Variants in NALF1 observed in about 807,000 individuals in gnomAD.
NALF1 encodes the protein family with sequence similarity 155 member A.
In NALF1, 3 loss-of-function variants were observed where a neutral mutation model predicts 48.4. The observed-to-expected ratio is 0.06, with a 90% CI of 0.03 to 0.16. The LOEUF is 0.16. Among genes scored for constraint, NALF1 ranks in the 10% least tolerant of loss-of-function variants. The pLI is 1.00. For missense variants in NALF1, 526 were observed against 571.5 expected, an observed-to-expected ratio of 0.92 and a Z score of 0.81; for synonymous variants, 262 against 245.7, an observed-to-expected ratio of 1.07 and a Z score of -0.62.
chr13:107,454,933 A>G (rs1422652549), intron 1 of NALF1, among the ~76,000 whole-genome samples: 2 of 152,156 alleles, frequency 1.3e-5, no homozygotes. Flanking sequence ...TGAAAATGAA[A>G]ATGTTTCTGA....
chr13:107,859,869 C>T (rs1294700648), intron 1 of NALF1, among the ~76,000 whole-genome samples: 3 of 140,416 alleles, frequency 2.1e-5, no homozygotes, highest in Non-Finnish European at 4.5e-5. Context: ...GAGCTGAGAT[C>T]ACGCCACTGC....
intron 1 of NALF1, among the ~76,000 whole-genome samples, chr13:107,586,536 T>C (rs1671231741): frequency 6.6e-6 from 1 of 152,032 alleles, no homozygotes; most frequent in African/African-American, 2.4e-5. Flanking sequence ...ATTTATCTAT[T>C]TATGGGAAGT....
chr13:107,582,202 T>C (rs962457043), intron 1 of NALF1, among the ~76,000 whole-genome samples: 1 of 152,200 alleles, frequency 6.6e-6, no homozygotes, highest in Non-Finnish European at 1.5e-5. Context: ...ATAGATTCAT[T>C]TTTCAAAGTC....
At position 107,606,278 on chromosome 13, in the gene NALF1, A is replaced by ATG. The variant is rs1179247680; in HGVS notation, c.915+259403_915+259404insCA. On this transcript the variant is annotated intron_variant, in intron 1 of 2. Coordinates refer to ENST00000375915, the MANE Select transcript of NALF1 (RefSeq NM_001080396.3). Reference sequence around the variant, plus strand: ...GTTCCTTAACATCTCATATATATATATATGTGTGTGTTTGTGTGTGTATGT... The same window carrying ATG: ...GTTCCTTAACATCTCATATATATATATGTATGTGTGTGTTTGTGTGTGTATGT... Among the ~76,000 whole-genome samples, 44 of 19,726 alleles carry ATG rather than the reference A, an allele frequency of 2.2e-3. No individual in the cohort carries two copies. In the East Asian group the frequency reaches 0.024, roughly 11 times the overall value. 12.9% of individuals were successfully genotyped at this position (19,726 alleles called of 152,430 possible).
chr13:107,418,117 A>T (rs1884122609), intron 1 of NALF1, among the ~76,000 whole-genome samples: 3 of 152,174 alleles, frequency 2.0e-5, no homozygotes, highest in Admixed American at 2.0e-4. Context: ...ACATTTTTCT[A>T]TTCACAGTGG....
At chr13:107,820,263 G>A (rs1432930498) in intron 1 of NALF1, among the ~76,000 whole-genome samples, 1 of 152,200 alleles carries the variant, frequency 6.6e-6, no homozygotes, top group Non-Finnish European at 1.5e-5. Context: ...ATTCTGTGGT[G>A]TTTTGTGAAT....
chr13:107,513,563 T>A (rs532416829), intron 1 of NALF1, among the ~76,000 whole-genome samples: 11 of 151,964 alleles, frequency 7.2e-5, no homozygotes, highest in African/African-American at 2.2e-4. Flanking sequence ...GAAGGAAGTG[T>A]CTTTGAAGGA....
chr13:107,636,400 A>G lies in NALF1; in HGVS notation c.915+229282T>C, dbSNP rs1472507565. 3.3e-5 allele frequency among the ~76,000 whole-genome samples: 5 copies of G among 152,170 alleles called. No individual in the cohort carries two copies. The South Asian group carries it at 1.0e-3, about 32-fold the overall frequency. ...CAATACTATAGAACTCACAATATGGAACATTTCTTCATTGTATGGTTTTAA... is the reference window on the plus strand; with the variant it reads ...CAATACTATAGAACTCACAATATGGGACATTTCTTCATTGTATGGTTTTAA... On this transcript the variant is annotated intron_variant, in intron 1 of 2. Coordinates refer to ENST00000375915, the MANE Select transcript of NALF1 (RefSeq NM_001080396.3).
At chr13:107,836,228 C>G (rs1879884519) in intron 1 of NALF1, among the ~76,000 whole-genome samples, 1 of 152,074 alleles carries the variant, frequency 6.6e-6, no homozygotes, top group African/African-American at 2.4e-5. Context: ...TGGACTCAAG[C>G]AATCTGCCCC....
chr13:107,736,810 C>T (rs1379786750), intron 1 of NALF1, among the ~76,000 whole-genome samples: 1 of 152,170 alleles, frequency 6.6e-6, no homozygotes, highest in African/African-American at 2.4e-5. Context: ...AGAAAGGCTA[C>T]AACAGAAGTG....
intron 1 of NALF1, among the ~76,000 whole-genome samples, chr13:107,702,350 C>T (rs1317521272): frequency 1.3e-5 from 2 of 152,088 alleles, no homozygotes; most frequent in Non-Finnish European, 2.9e-5. Context: ...ATGAAAATGT[C>T]CCCTATATAC....
At chr13:107,643,491 C>G (rs978409808) in intron 1 of NALF1, among the ~76,000 whole-genome samples, 1 of 144,350 alleles carries the variant, frequency 6.9e-6, no homozygotes, top group Non-Finnish European at 1.5e-5. Context: ...AAGAAAAACT[C>G]AGGACATAGA....
At chr13:107,780,030 C>CTTTT (rs35078173) in intron 1 of NALF1, among the ~76,000 whole-genome samples, 1 of 134,046 alleles carries the variant, frequency 7.5e-6, no homozygotes, top group African/African-American at 2.8e-5. Flanking sequence ...CCAAGACATA[C>CTTTT]TTTTTTTTTT....
At chr13:107,211,130 T>C (rs1879753010) in intron 1 of NALF1, among the ~76,000 whole-genome samples, 1 of 152,230 alleles carries the variant, frequency 6.6e-6, no homozygotes, top group Non-Finnish European at 1.5e-5. Flanking sequence ...ACTTGCAACG[T>C]GGCTGATGAG....
chr13:107,548,454 T>C (rs1346694764), intron 1 of NALF1, among the ~76,000 whole-genome samples: 2 of 152,166 alleles, frequency 1.3e-5, no homozygotes, highest in African/African-American at 4.8e-5. Flanking sequence ...GTCTTTAGAA[T>C]GATTCATATC....
At chr13:107,185,900 C>G (rs997337915) in intron 2 of NALF1, among the ~76,000 whole-genome samples, 1 of 152,120 alleles carries the variant, frequency 6.6e-6, no homozygotes, top group Non-Finnish European at 1.5e-5. Context: ...TTACAATGTC[C>G]ACTTCTTTCT....
intron 1 of NALF1, among the ~76,000 whole-genome samples, chr13:107,595,789 T>C (rs962590870): frequency 6.6e-6 from 1 of 152,126 alleles, no homozygotes; most frequent in African/African-American, 2.4e-5. Flanking sequence ...GCTCAAGTAA[T>C]GCAGCCTATT....
At chr13:107,351,913 T>C (rs1055601196) in intron 1 of NALF1, among the ~76,000 whole-genome samples, 8 of 152,148 alleles carry the variant, frequency 5.3e-5, no homozygotes, top group Admixed American at 5.2e-4. Context: ...AAGCGGGCAC[T>C]TCAAAGGAGG....
At chr13:107,257,031 A>G (rs1460388725) in intron 1 of NALF1, among the ~76,000 whole-genome samples, 1 of 152,150 alleles carries the variant, frequency 6.6e-6, no homozygotes, top group East Asian at 1.9e-4. Flanking sequence ...GGCCTCAGGA[A>G]ACTTAAAATT....
Sources: allele counts gnomAD v4.1 joint callset (sites outside exome capture counted in the v4.1 genomes callset), GRCh38; gene constraint gnomAD v4.1.1; transcripts MANE v1.5; gene names NCBI Gene and HGNC (gene_info 2026-07-23, HGNC 2026-07-21).